Variants in RORA observed in about 807,000 individuals in gnomAD.
RORA encodes nuclear receptor ROR-alpha.
Under a neutral mutation model 69.5 loss-of-function variants are expected in RORA, and 7 were observed. The observed-to-expected ratio is 0.10, with a 90% CI of 0.06 to 0.19. The LOEUF is 0.19. Ranked by LOEUF, RORA falls within the 10% of genes least tolerant of loss-of-function variation. RORA has a pLI of 1.00. For synonymous variants in RORA, 261 were observed against 240.8 expected, an observed-to-expected ratio of 1.08 and a Z score of -0.78; for missense variants, 457 against 663.0, an observed-to-expected ratio of 0.69 and a Z score of 3.41.
At chr15:61,049,129 G>C (rs1329073615) in intron 1 of RORA, among the ~76,000 whole-genome samples, 2 of 152,168 alleles carry the variant, frequency 1.3e-5, no homozygotes, top group Non-Finnish European at 2.9e-5. Context: ...GGAAACTGCG[G>C]AGAGTTCTCC....
chr15:60,842,246 A>T (rs1166188541), intron 1 of RORA, among the ~76,000 whole-genome samples: 2 of 152,044 alleles, frequency 1.3e-5, no homozygotes, highest in Non-Finnish European at 2.9e-5. Flanking sequence ...ATGACAGGTG[A>T]AGATTTCCCC....
At chr15:60,927,282 C>G (rs938471938) in intron 1 of RORA, among the ~76,000 whole-genome samples, 13 of 152,162 alleles carry the variant, frequency 8.5e-5, no homozygotes, top group Non-Finnish European at 1.8e-4. Flanking sequence ...AAGCTCTATC[C>G]TATGCGATAT....
chr15:61,000,543 C>T (rs1334000884), intron 1 of RORA, among the ~76,000 whole-genome samples: 3 of 152,092 alleles, frequency 2.0e-5, no homozygotes, highest in Non-Finnish European at 4.4e-5. Flanking sequence ...GAGGTGGTGT[C>T]CAGCCACTGC....
chr15:61,005,465 G>T (rs1046382620), intron 1 of RORA, among the ~76,000 whole-genome samples: 6 of 152,218 alleles, frequency 3.9e-5, no homozygotes, highest in Admixed American at 1.3e-4. Flanking sequence ...GGGCAACAGA[G>T]CGAGACTCTG....
At chr15:60,963,558 G>T (rs1204070844) in intron 1 of RORA, among the ~76,000 whole-genome samples, 1 of 152,206 alleles carries the variant, frequency 6.6e-6, no homozygotes, top group Non-Finnish European at 1.5e-5. Context: ...TCCTGGACGG[G>T]GTAAGCCAAT....
At chr15:60,929,216 G>A (rs1892304032) in intron 1 of RORA, among the ~76,000 whole-genome samples, 1 of 152,234 alleles carries the variant, frequency 6.6e-6, no homozygotes, top group Non-Finnish European at 1.5e-5. Flanking sequence ...TGAGGCAAGC[G>A]CTCATTCACA....
intron 1 of RORA, among the ~76,000 whole-genome samples, chr15:61,227,933 A>C (rs981769655): frequency 6.6e-6 from 1 of 152,118 alleles, no homozygotes; most frequent in Non-Finnish European, 1.5e-5. Flanking sequence ...TCTCGAGAAA[A>C]ACACACATCA....
chr15:60,963,839 G>A (rs1893479358), intron 1 of RORA, among the ~76,000 whole-genome samples: 2 of 152,188 alleles, frequency 1.3e-5, no homozygotes, highest in Non-Finnish European at 2.9e-5. Flanking sequence ...AGCCACAGTA[G>A]GAACTCTTCA....
chr15:61,057,025 G>A (rs919412723), intron 1 of RORA, among the ~76,000 whole-genome samples: 7 of 152,192 alleles, frequency 4.6e-5, no homozygotes, highest in African/African-American at 1.4e-4. Context: ...CACATTCAAT[G>A]TGAAACAACA....
At chr15:61,014,302 T>G (rs1346337284) in intron 1 of RORA, among the ~76,000 whole-genome samples, 1 of 152,256 alleles carries the variant, frequency 6.6e-6, no homozygotes, top group Non-Finnish European at 1.5e-5. Flanking sequence ...GCAAGCTGAC[T>G]TATGCAAAAT....
At chr15:61,057,702 G>A (rs1404340379) in intron 1 of RORA, among the ~76,000 whole-genome samples, 1 of 152,152 alleles carries the variant, frequency 6.6e-6, no homozygotes, top group African/African-American at 2.4e-5. Context: ...AGCAAGGGGA[G>A]GAGAAACCAT....
At chr15:60,762,843 T>C (rs1054230193) in intron 1 of RORA, among the ~76,000 whole-genome samples, 3 of 152,136 alleles carry the variant, frequency 2.0e-5, no homozygotes, top group African/African-American at 7.2e-5. Flanking sequence ...AAAATGACAT[T>C]CAAGATGCTG....
chr15:61,205,916 C>T (rs1340771964), intron 1 of RORA, among the ~76,000 whole-genome samples: 1 of 152,122 alleles, frequency 6.6e-6, no homozygotes, highest in African/African-American at 2.4e-5. Context: ...GTAGGAGGCA[C>T]GAGCCATGGT....
intron 1 of RORA, among the ~76,000 whole-genome samples, chr15:60,944,076 T>C (rs188671306): frequency 6.6e-6 from 1 of 152,100 alleles, no homozygotes; most frequent in African/African-American, 2.4e-5. Flanking sequence ...ACAGGAAAAA[T>C]CACACATATG....
intron 1 of RORA, among the ~76,000 whole-genome samples, chr15:61,212,876 G>A (rs943878117): frequency 2.0e-5 from 3 of 152,148 alleles, no homozygotes; most frequent in Non-Finnish European, 4.4e-5. Context: ...CCTCATAGAT[G>A]TAAAAATTCA....
At chr15:60,678,761 T>C in intron 1 of RORA, 75 bp from the exon 2 acceptor site, 2 of 1,302,662 alleles carry the variant, frequency 1.5e-6, no homozygotes, top group Non-Finnish European at 1.1e-6. Context: ...TCATTCCCAG[T>C]GTGCTCAGGA....
At chr15:60,610,116 C>T (rs2069050869) in intron 2 of RORA, among the ~76,000 whole-genome samples, 1 of 151,622 alleles carries the variant, frequency 6.6e-6, no homozygotes, top group South Asian at 2.1e-4. Context: ...GGAAGGGCAA[C>T]CTAATGGAAT....
chr15:60,500,135 C>G (rs1011878477), intron 9 of RORA, 131 bp from the exon 10 acceptor site: 10 of 598,058 alleles, frequency 1.7e-5, no homozygotes, highest in Middle Eastern at 4.3e-4. Context: ...AGTTTCACTC[C>G]TCTTTCAAAA....
In RORA at chr15:60,536,644, G is replaced by A. The variant is rs143753822; in HGVS notation, c.197-4793C>T. The stretch of plus-strand genomic sequence containing the variant: ...GACCCAAGGTTACCCCAATAATATC[G>A]TTCACTCTAGCTCAATTGCACAACC... On this transcript the variant is annotated intron_variant, in intron 2 of 10. Coordinates refer to ENST00000335670, the MANE Select transcript of RORA (RefSeq NM_134261.3). 6.4e-4 allele frequency among the ~76,000 whole-genome samples: 98 copies of A among 152,332 alleles called. No homozygotes were observed. In the East Asian group the frequency reaches 0.019, roughly 29 times the overall value.
Sources: gnomAD v4.1 joint callset for allele counts (sites outside exome capture counted in the v4.1 genomes callset) on GRCh38, gnomAD v4.1.1 for gene constraint, MANE v1.5 for transcripts, NCBI Gene and HGNC (gene_info 2026-07-23, HGNC 2026-07-21) for gene names.